GRAP2: variants seen among roughly 807,000 people sequenced by gnomAD.
The protein encoded by GRAP2 is GRB2 related adaptor protein 2.
Under a neutral mutation model 43.5 loss-of-function variants are expected in GRAP2, and 31 were observed. The ratio of observed to expected loss-of-function variants is 0.71; its 90% CI spans 0.54 to 0.96. GRAP2 has a LOEUF of 0.96. Ranked by LOEUF, GRAP2 falls within the 40% of genes least tolerant of loss-of-function variation. The probability of loss-of-function intolerance (pLI) is 0.00; values close to 1 mark genes in which losing one functional copy is unlikely to be tolerated. For synonymous variants in GRAP2, 156 were observed against 164.8 expected (o/e 0.95, Z 0.41); for missense variants, 371 against 424.4 (o/e 0.87, Z 1.11).
rs928329470 is a variant in GRAP2 at position 39,973,253 on chromosome 22, G to A, written c.*2169G>A. On this transcript the variant is annotated 3_prime_UTR_variant, in exon 8 of 8. Transcript: ENST00000344138. ...GTGGGAGGACCAGCTCTAGTTAGAC[G>A]GAGGTATGTGATTCGATTCTGGTGG... The A allele has an allele frequency of 1.3e-5, 2 of 152,270 alleles. No homozygotes were observed. Among genetic ancestry groups the A allele is most frequent in the African/African-American group, 2.4e-5 (1 of 41,438 alleles). The allele number at this position is 152,270 out of a possible 1,614,324, so 9.4% of individuals were successfully genotyped here.
intron 2 of GRAP2, among the ~76,000 whole-genome samples, chr22:39,949,985 A>C (rs2066964974): frequency 6.6e-6 from 1 of 152,168 alleles, no homozygotes; most frequent in African/African-American, 2.4e-5. Flanking sequence ...CAATTGATTG[A>C]GACTGAAAAC....
chr22:39,935,925 G>A (rs1487941609), intron 1 of GRAP2, among the ~76,000 whole-genome samples: 1 of 152,088 alleles, frequency 6.6e-6, no homozygotes, highest in Non-Finnish European at 1.5e-5. Flanking sequence ...CAGCCCTGGC[G>A]AAAACAGAGC....
intron 1 of GRAP2, among the ~76,000 whole-genome samples, chr22:39,938,614 G>T (rs1346075148): frequency 2.0e-5 from 3 of 152,366 alleles, no homozygotes; most frequent in African/African-American, 7.2e-5. Context: ...GAAGGTGACT[G>T]TGGGCTGAGC....
chr22:39,908,947 G>T (rs2066540683), intron 1 of GRAP2, among the ~76,000 whole-genome samples: 1 of 152,168 alleles, frequency 6.6e-6, no homozygotes, highest in Admixed American at 6.5e-5. Flanking sequence ...CCCGTATCCT[G>T]TGTTCTGTGC....
chr22:39,911,607 A>C (rs2066567049), intron 1 of GRAP2, among the ~76,000 whole-genome samples: 1 of 152,126 alleles, frequency 6.6e-6, no homozygotes, highest in Non-Finnish European at 1.5e-5. Flanking sequence ...ATTTCAAAAC[A>C]CATCCCTGAG....
intron 1 of GRAP2, among the ~76,000 whole-genome samples, chr22:39,943,902 T>A (rs1235730334): frequency 6.6e-6 from 1 of 152,030 alleles, no homozygotes; most frequent in Non-Finnish European, 1.5e-5. Flanking sequence ...GTATTTTTAG[T>A]AGAGATGGGG....
intron 1 of GRAP2, among the ~76,000 whole-genome samples, chr22:39,938,787 C>T (rs1334427714): frequency 3.3e-5 from 5 of 152,210 alleles, no homozygotes; most frequent in Admixed American, 6.5e-5. Context: ...AATCGTTATT[C>T]GGGGAACACA....
At chr22:39,917,744 G>T (rs1261077673) in intron 1 of GRAP2, among the ~76,000 whole-genome samples, 1 of 152,206 alleles carries the variant, frequency 6.6e-6, no homozygotes, top group African/African-American at 2.4e-5. Flanking sequence ...GAGCAGAATT[G>T]TGCATGCTCC....
chr22:39,944,451 C>G (rs1411467570), intron 1 of GRAP2, among the ~76,000 whole-genome samples: 1 of 152,108 alleles, frequency 6.6e-6, no homozygotes, highest in South Asian at 2.1e-4. Flanking sequence ...CCTGAACAAA[C>G]AGCAGCTGGG....
Position 39,973,104 on chromosome 22 carries a change from A to ATT in GRAP2, c.*2023_*2024dup, listed in dbSNP as rs2145691340. 6.6e-6 allele frequency: 1 copy of ATT among 152,610 alleles called. No individual in the cohort carries two copies. The highest frequency in any genetic ancestry group is 1.5e-5 in the Non-Finnish European group (1 of 68,072). The allele number at this position is 152,610 out of a possible 1,614,324, so 9.5% of individuals were successfully genotyped here. A position where few individuals can be genotyped will look rare whatever the true frequency, so the allele number is the denominator to read the frequency against. ...AAAGGCAGAGAAGACCTCCTCAGCT[A>ATT]TTTTGGTGCTAGGTAATGTGAAATG... On this transcript the variant is annotated 3_prime_UTR_variant, in exon 8 of 8. Transcript: ENST00000344138.
intron 3 of GRAP2, among the ~76,000 whole-genome samples, chr22:39,959,608 G>A (rs2067094614): frequency 6.6e-6 from 1 of 152,170 alleles, no homozygotes; most frequent in Admixed American, 6.5e-5. Context: ...GGGCAGGCAT[G>A]AGCACCCCAG....
At chr22:39,920,604 C>T (rs1366147114) in intron 1 of GRAP2, among the ~76,000 whole-genome samples, 1 of 152,170 alleles carries the variant, frequency 6.6e-6, no homozygotes, top group African/African-American at 2.4e-5. Context: ...GCAGAACATG[C>T]TGCCCCCATT....
At chr22:39,942,411 TAGC>T (rs755544721) in intron 1 of GRAP2, among the ~76,000 whole-genome samples, 10 of 152,180 alleles carry the variant, frequency 6.6e-5, no homozygotes, top group Non-Finnish European at 1.5e-4. Context: ...CTCTCAGTAG[TAGC>T]AGCAGCCAAA....
At chr22:39,967,221 G>A (rs1048621520) in intron 5 of GRAP2, among the ~76,000 whole-genome samples, 6 of 152,138 alleles carry the variant, frequency 3.9e-5, no homozygotes, top group Non-Finnish European at 8.8e-5. Flanking sequence ...AGAAGTTACT[G>A]CCAAAGGAGA....
In GRAP2 at chr22:39,928,141, C is replaced by T. The variant is rs539739438; in HGVS notation, c.-14-18952C>T. Among the ~76,000 whole-genome samples, 5 of 152,328 alleles carry T rather than the reference C, an allele frequency of 3.3e-5. No homozygotes were observed. In the South Asian group the frequency reaches 8.3e-4, roughly 25 times the overall value. On this transcript the variant is annotated intron_variant, in intron 1 of 7. Coordinates refer to ENST00000344138, the MANE Select transcript of GRAP2 (RefSeq NM_004810.4). ...CAGATTCCAGAAATACACTTATTTC[C>T]TTTGCTTTCCAAATCTTAATGGATG...
At chr22:39,918,095 T>C (rs895493325) in intron 1 of GRAP2, among the ~76,000 whole-genome samples, 5 of 152,142 alleles carry the variant, frequency 3.3e-5, no homozygotes. Flanking sequence ...CTGTAAGAGG[T>C]AGTTAACAAA....
chr22:39,941,940 C>T (rs1176295196), intron 1 of GRAP2, among the ~76,000 whole-genome samples: 3 of 151,836 alleles, frequency 2.0e-5, no homozygotes, highest in Non-Finnish European at 4.4e-5. Flanking sequence ...ATTTGGCCCA[C>T]AGTGTGCAGA....
rs1015312527 is a variant in GRAP2, at chr22:39,971,326, G to A, written c.*242G>A. The A allele has an allele frequency of 8.2e-6, 4 of 488,774 alleles. No individual in the cohort carries two copies. The highest frequency in any genetic ancestry group is 8.1e-5 in the African/African-American group (4 of 49,204). 30.3% of individuals were successfully genotyped at this position (488,774 alleles called of 1,614,324 possible). ...CTGCCCCCCTCAGGGGTGTGTGGAA[G>A]GCAGTGGGGGAGTTGGGAGGGGGGC... On this transcript the variant is annotated 3_prime_UTR_variant, in exon 8 of 8. Transcript: ENST00000344138.
Position 39,933,834 on chromosome 22 carries a change from C to T in GRAP2, c.-14-13259C>T, listed in dbSNP as rs533208590. ...CCAACCTGAGCAACAGAGCGAGACC[C>T]TGTCTCGAAAAAAAAAAAAAGAAAA... On this transcript the variant is annotated intron_variant, in intron 1 of 7. Coordinates refer to ENST00000344138, the MANE Select transcript of GRAP2 (RefSeq NM_004810.4). 4.2e-4 allele frequency among the ~76,000 whole-genome samples: 63 copies of T among 150,658 alleles called. 2 individuals are homozygous for T. The highest frequency in any genetic ancestry group is 1.4e-3 in the African/African-American group (58 of 40,934).
Sources: allele counts gnomAD v4.1 joint callset (sites outside exome capture counted in the v4.1 genomes callset), GRCh38; gene constraint gnomAD v4.1.1; transcripts MANE v1.5; gene names NCBI Gene and HGNC (gene_info 2026-07-23, HGNC 2026-07-21).